Variants in RTN4 observed in about 807,000 individuals in gnomAD.
The protein encoded by RTN4 is reticulon-4.
In RTN4, 32 loss-of-function variants were observed where a neutral mutation model predicts 90.4. That is an observed-to-expected ratio of 0.35 (90% CI 0.27 to 0.48). The LOEUF (loss-of-function observed/expected upper bound fraction) is 0.48. Among genes scored for constraint, RTN4 ranks in the 20% least tolerant of loss-of-function variants. RTN4 has a pLI of 0.99. For synonymous variants in RTN4, 629 were observed against 552.5 expected (o/e 1.14, Z -1.94); for missense variants, 1,706 against 1,430.2 (o/e 1.19, Z -3.11).
At chr2:55,024,770 T>C (rs901260041) in intron 3 of RTN4, among the ~76,000 whole-genome samples, 1 of 152,052 alleles carries the variant, frequency 6.6e-6, no homozygotes, top group African/African-American at 2.4e-5. Context: ...CTTCATGTTA[T>C]CAAGAAACAC....
chr2:55,057,308 CAAAAT>C (rs1393605362), intron 2 of RTN4, among the ~76,000 whole-genome samples: 1 of 151,816 alleles, frequency 6.6e-6, no homozygotes, highest in Non-Finnish European at 1.5e-5. Context: ...ACCTCACTCT[CAAAAT>C]AGTAGGATTC....
chr2:55,050,196 C>T lies in RTN4; in HGVS notation c.105G>A (p.Glu35=). 6.4e-7 allele frequency: 1 copy of T among 1,570,704 alleles called. No homozygotes were observed. The highest frequency in any genetic ancestry group is 8.6e-7 in the Non-Finnish European group (1 of 1,163,002). Residue 35 remains glutamate (E), a synonymous_variant, in exon 1 of 9, where the codon GAG becomes GAA. Coordinates refer to ENST00000337526, the MANE Select transcript of RTN4 (RefSeq NM_020532.5). The surrounding 1 kb of genome is among the most constrained non-coding windows in gnomAD (Gnocchi z 4.6). Reference sequence around the variant, plus strand: ...CCTCCTCTTCCTCCTCCTCTTCTTCCTCCTCGTCCTCGGGCTCCCTCACGA... The same window carrying T: ...CCTCCTCTTCCTCCTCCTCTTCTTCTTCCTCGTCCTCGGGCTCCCTCACGA... ...YQFVREPEDE[E]EEEEEEEEDE...
chr2:55,109,899 C>T (rs978337272), intron 1 of RTN4, among the ~76,000 whole-genome samples: 8 of 152,096 alleles, frequency 5.3e-5, no homozygotes, highest in Non-Finnish European at 1.2e-4. Context: ...ATTATTTATT[C>T]CCTGGGGAGA....
chr2:55,029,248 C>T (rs927150978), intron 1 of RTN4, among the ~76,000 whole-genome samples: 5 of 152,194 alleles, frequency 3.3e-5, no homozygotes, highest in African/African-American at 1.2e-4. Flanking sequence ...TGATCTTAGA[C>T]TTACCAGCCT....
chr2:55,050,407 C>G lies in RTN4; in HGVS notation c.-107G>C, dbSNP rs115712308. The stretch of plus-strand genomic sequence containing the variant: ...TGGGGAGGACTGAGAGGGGCTGGGC[C>G]GACTGAGCCGAGGGACCTACTGTGG... On this transcript the variant is annotated 5_prime_UTR_variant, in exon 1 of 9. Coordinates refer to ENST00000337526, the MANE Select transcript of RTN4 (RefSeq NM_020532.5). The surrounding 1 kb of genome is among the most constrained non-coding windows in gnomAD (Gnocchi z 4.6). 9.8e-5 allele frequency: 58 copies of G among 590,098 alleles called. No homozygotes were observed. In the African/African-American group the frequency reaches 1.1e-3, roughly 11 times the overall value. 36.6% of individuals were successfully genotyped at this position (590,098 alleles called of 1,614,324 possible).
chr2:54,972,542 G>A lies in RTN4; in HGVS notation c.*614C>T, dbSNP rs1249686586. On this transcript the variant is annotated 3_prime_UTR_variant, in exon 9 of 9. Transcript: ENST00000337526. ...ACATGTATAACCAATGACTGACTCT[G>A]AAATATCAAGCACTGTGGGGTGGCT... 1 of 152,584 alleles carries A rather than the reference G, an allele frequency of 6.6e-6. No homozygotes were observed. Among genetic ancestry groups the A allele is most frequent in the Non-Finnish European group, 1.5e-5 (1 of 68,036 alleles). The allele number at this position is 152,584 out of a possible 1,614,324, so 9.5% of individuals were successfully genotyped here. A position where few individuals can be genotyped will look rare whatever the true frequency, so the allele number is the denominator to read the frequency against.
At chr2:55,006,914 T>C (rs746655146) in intron 3 of RTN4, among the ~76,000 whole-genome samples, 30 of 152,120 alleles carry the variant, frequency 2.0e-4, no homozygotes, top group Non-Finnish European at 1.0e-4. Flanking sequence ...TCTTTCTTAA[T>C]AGTTCTTTCA....
At chr2:55,049,173 C>T (rs1056837674) in intron 1 of RTN4, 2 of 986,412 alleles carry the variant, frequency 2.0e-6, no homozygotes, top group Non-Finnish European at 2.4e-6. Context: ...TTCCACTCGG[C>T]CAGCTCCCCA....
At chr2:55,083,737 C>T (rs1668778509) in intron 1 of RTN4, among the ~76,000 whole-genome samples, 2 of 152,234 alleles carry the variant, frequency 1.3e-5, no homozygotes, top group Admixed American at 1.3e-4. Context: ...ACTAGATCCT[C>T]TTTCCCCTAA....
intron 1 of RTN4, among the ~76,000 whole-genome samples, chr2:55,085,836 C>A (rs1270555314): frequency 6.6e-6 from 1 of 152,196 alleles, no homozygotes; most frequent in Non-Finnish European, 1.5e-5. Context: ...AATCTCGCTG[C>A]ACATTTGTTG....
At chr2:55,044,016 C>T (rs1184281635) in intron 1 of RTN4, among the ~76,000 whole-genome samples, 1 of 151,326 alleles carries the variant, frequency 6.6e-6, no homozygotes, top group African/African-American at 2.4e-5. Flanking sequence ...GGCAACATGG[C>T]GAAACCCTAT....
At chr2:55,113,799 AG>A (rs1329337408), upstream of RTN4, among the ~76,000 whole-genome samples, 2 of 152,206 alleles carry the variant, frequency 1.3e-5, no homozygotes, top group African/African-American at 4.8e-5. Flanking sequence ...TGACCAGCCC[AG>A]AATCAGAAGG....
At chr2:55,037,285 T>C (rs1682757945) in intron 1 of RTN4, among the ~76,000 whole-genome samples, 1 of 152,194 alleles carries the variant, frequency 6.6e-6, no homozygotes, top group African/African-American at 2.4e-5. Flanking sequence ...TATTGTTGAG[T>C]GTCAGGAAAC....
the RTN4 span, among the ~76,000 whole-genome samples, chr2:55,125,120 A>G: frequency 6.6e-6 from 1 of 152,250 alleles, no homozygotes; most frequent in Non-Finnish European, 1.5e-5. Context: ...AAGATGAATT[A>G]AAGTCTTAAA....
chr2:55,063,623 G>C (rs58954291), intron 2 of RTN4, among the ~76,000 whole-genome samples: 2,676 of 152,192 alleles, frequency 0.018, 77 homozygotes, highest in African/African-American at 0.062. Context: ...GCTCACACCT[G>C]TAATGCCTGC....
At position 55,016,311 on chromosome 2, in the gene RTN4, G is replaced by A. The variant is rs1035578737; in HGVS notation, c.3013+8775C>T. ...AAAATACACATATGCGGCCAGGTGC[G>A]CTGGTTCATGCCTTTAATCCCAGCA... On this transcript the variant is annotated intron_variant, in intron 3 of 8. Coordinates refer to ENST00000337526, the MANE Select transcript of RTN4 (RefSeq NM_020532.5). 3.9e-5 allele frequency among the ~76,000 whole-genome samples: 6 copies of A among 152,234 alleles called. No homozygotes were observed. The East Asian group carries it at 7.7e-4, about 20-fold the overall frequency.
chr2:55,105,959 G>A (rs560728437), intron 1 of RTN4, among the ~76,000 whole-genome samples: 1 of 152,228 alleles, frequency 6.6e-6, no homozygotes, highest in South Asian at 2.1e-4. Flanking sequence ...CAGCCTGGGT[G>A]ACAGGAGGAG....
the RTN4 span, among the ~76,000 whole-genome samples, chr2:55,136,474 T>C: frequency 2.0e-5 from 3 of 152,230 alleles, no homozygotes; most frequent in African/African-American, 7.2e-5. Flanking sequence ...CTCTTCCAAG[T>C]GTACTTTACT....
chr2:55,049,542 G>A lies in RTN4; in HGVS notation c.556+203C>T, dbSNP rs531774253. The A allele has an allele frequency of 2.1e-5, 17 of 822,328 alleles. No homozygotes were observed. The South Asian group carries it at 2.4e-4, about 12-fold the overall frequency. 50.9% of individuals were successfully genotyped at this position (822,328 alleles called of 1,614,324 possible). A position where few individuals can be genotyped will look rare whatever the true frequency, so the allele number is the denominator to read the frequency against. On this transcript the variant is annotated intron_variant, in intron 1 of 8. Coordinates refer to ENST00000337526, the MANE Select transcript of RTN4 (RefSeq NM_020532.5). The stretch of plus-strand genomic sequence containing the variant: ...GCACGTGTTCCCCGAAACCAAGACG[G>A]ACAATAAGAACAAACCCGGGCTCCA...
Sources: gnomAD v4.1 joint callset for allele counts (sites outside exome capture counted in the v4.1 genomes callset) on GRCh38, gnomAD v4.1.1 for gene constraint, Gnocchi (gnomAD v3.1) non-coding constraint, MANE v1.5 for transcripts, NCBI Gene and HGNC (gene_info 2026-07-23, HGNC 2026-07-21) for gene names.